Variants in SH3RF2 observed in about 807,000 individuals in gnomAD.
SH3RF2 encodes E3 ubiquitin-protein ligase SH3RF2.
Under a neutral mutation model 59.0 loss-of-function variants are expected in SH3RF2, and 43 were observed. The ratio of observed to expected loss-of-function variants is 0.73; its 90% CI spans 0.57 to 0.94. The LOEUF is 0.94. Among genes scored for constraint, SH3RF2 ranks in the 40% least tolerant of loss-of-function variants. SH3RF2 has a pLI of 0.00. For missense variants in SH3RF2, 930 were observed against 940.1 expected, an observed-to-expected ratio of 0.99 and a Z score of 0.14; for synonymous variants, 391 against 391.5, an observed-to-expected ratio of 1.00 and a Z score of 0.01.
chr5:145,980,535 A>T (rs1433513470), intron 2 of SH3RF2, among the ~76,000 whole-genome samples: 2 of 152,198 alleles, frequency 1.3e-5, no homozygotes, highest in East Asian at 3.8e-4. Context: ...ATTCTTCACT[A>T]TTATAAATGA....
At chr5:145,978,203 A>G (rs926908690) in intron 2 of SH3RF2, among the ~76,000 whole-genome samples, 8 of 152,178 alleles carry the variant, frequency 5.3e-5, no homozygotes, top group African/African-American at 1.9e-4. Flanking sequence ...GCAAGTCCAT[A>G]TGGTATAAGC....
intron 1 of SH3RF2, among the ~76,000 whole-genome samples, chr5:145,937,306 T>C (rs1280084885): frequency 6.6e-6 from 1 of 152,150 alleles, no homozygotes; most frequent in Non-Finnish European, 1.5e-5. Context: ...TGTGGGAAGG[T>C]ATATTGTGAA....
chr5:146,010,645 T>C (rs1760845606), intron 4 of SH3RF2, among the ~76,000 whole-genome samples: 1 of 152,262 alleles, frequency 6.6e-6, no homozygotes, highest in Admixed American at 6.5e-5. Flanking sequence ...ATGAGCATTT[T>C]TTCATGTGTC....
intron 4 of SH3RF2, among the ~76,000 whole-genome samples, chr5:146,004,592 C>G (rs1367889110): frequency 6.6e-6 from 1 of 151,804 alleles, no homozygotes. Context: ...ATAAGGAGTT[C>G]ATTTTTTTTA....
chr5:146,010,599 T>G (rs1296547596), intron 4 of SH3RF2, among the ~76,000 whole-genome samples: 1 of 152,226 alleles, frequency 6.6e-6, no homozygotes, highest in Admixed American at 6.5e-5. Context: ...TATCTCATTG[T>G]GGTTTTGATT....
At chr5:146,064,744 AAGG>A (rs1431302428), downstream of SH3RF2, among the ~76,000 whole-genome samples, 105 of 7,192 alleles carry the variant, frequency 0.015, 10 homozygotes, top group African/African-American at 0.02. Flanking sequence ...GGAAGGAAGG[AAGG>A]AAGGAAGGAA....
intron 2 of SH3RF2, among the ~76,000 whole-genome samples, chr5:145,940,956 G>T (rs926662791): frequency 1.3e-5 from 2 of 152,148 alleles, no homozygotes; most frequent in African/African-American, 4.8e-5. Context: ...AAATGTAGAA[G>T]GAGTTACAGC....
At chr5:146,001,546 G>A (rs951982757) in intron 3 of SH3RF2, among the ~76,000 whole-genome samples, 20 of 152,282 alleles carry the variant, frequency 1.3e-4, no homozygotes, top group Non-Finnish European at 2.2e-4. Flanking sequence ...TACAGCTAGA[G>A]GAAAGTCAGT....
chr5:146,029,799 CAAAA>C (rs1314306210), intron 5 of SH3RF2, among the ~76,000 whole-genome samples: 1 of 151,966 alleles, frequency 6.6e-6, no homozygotes, highest in East Asian at 1.9e-4. Context: ...GAAAAGAAAA[CAAAA>C]GAAAGATAAA....
chr5:145,959,649 ATGTGTG>A (rs1307141405), intron 2 of SH3RF2, among the ~76,000 whole-genome samples: 1 of 128,626 alleles, frequency 7.8e-6, no homozygotes, highest in African/African-American at 3.1e-5. Flanking sequence ...GTGTGTGTGT[ATGTGTG>A]TGTGTGTATA....
chr5:145,975,077 T>C (rs1759237073), intron 2 of SH3RF2, among the ~76,000 whole-genome samples: 2 of 152,168 alleles, frequency 1.3e-5, no homozygotes, highest in Non-Finnish European at 2.9e-5. Flanking sequence ...GACACCTGGC[T>C]CATCCAGGCA....
chr5:145,957,645 A>C (rs1758465847), intron 2 of SH3RF2, among the ~76,000 whole-genome samples: 1 of 152,118 alleles, frequency 6.6e-6, no homozygotes, highest in Non-Finnish European at 1.5e-5. Flanking sequence ...AGCAAGAGAC[A>C]AACCTGGATT....
chr5:145,970,218 C>T (rs1759025952), intron 2 of SH3RF2, among the ~76,000 whole-genome samples: 1 of 151,908 alleles, frequency 6.6e-6, no homozygotes, highest in Non-Finnish European at 1.5e-5. Context: ...GTGCACCCAT[C>T]ACCCAAGCAG....
At chr5:146,004,022 G>T in intron 3 of SH3RF2, 36 bp from the exon 4 acceptor site, 1 of 1,578,412 alleles carries the variant, frequency 6.3e-7, no homozygotes. Flanking sequence ...GCCTGAAAAT[G>T]AGAGTAAATG....
At chr5:146,081,368 T>A (rs1763423160) in exon 10 of SH3RF2, 1 of 152,306 alleles carries the variant, frequency 6.6e-6, no homozygotes, top group East Asian at 1.9e-4. Flanking sequence ...CAGGACCACT[T>A]TCTACCATCG....
intron 2 of SH3RF2, among the ~76,000 whole-genome samples, chr5:145,942,650 ATAGGTGCCATCTG>A (rs1757859880): frequency 6.6e-6 from 1 of 152,214 alleles, no homozygotes; most frequent in Admixed American, 6.5e-5. Context: ...AAAACAGCAG[ATAGGTGCCATCTG>A]GGACAGCAAG....
intron 5 of SH3RF2, among the ~76,000 whole-genome samples, chr5:146,029,836 C>A (rs1455334770): frequency 6.6e-6 from 1 of 152,148 alleles, no homozygotes; most frequent in Non-Finnish European, 1.5e-5. Context: ...AGAAAATTGA[C>A]CATTTTCTTT....
chr5:146,066,487 AC>A (rs1763108957), downstream of SH3RF2, among the ~76,000 whole-genome samples: 1 of 152,186 alleles, frequency 6.6e-6, no homozygotes, highest in Non-Finnish European at 1.5e-5. Context: ...TAAATTTTAG[AC>A]TGGGATGTTT....
intron 3 of SH3RF2, 120 bp downstream of exon 3, chr5:146,000,447 TGTTAA>T: frequency 1.3e-6 from 1 of 760,544 alleles, no homozygotes. Context: ...ATTATATTAT[TGTTAA>T]TATTTTATTC....
Sources: gnomAD v4.1 joint callset for allele counts (sites outside exome capture counted in the v4.1 genomes callset) on GRCh38, gnomAD v4.1.1 for gene constraint, MANE v1.5 for transcripts, NCBI Gene and HGNC (gene_info 2026-07-23, HGNC 2026-07-21) for gene names.